OPRD1: variants seen among roughly 807,000 people sequenced by gnomAD.
The protein encoded by OPRD1 is opioid receptor delta 1, also known as delta-type opioid receptor.
A neutral mutation model predicts 17.5 loss-of-function variants in OPRD1; 19 were observed. That is an observed-to-expected ratio of 1.09 (90% CI 0.76 to 1.60). OPRD1 has a LOEUF of 1.60. OPRD1 is among the 40% of genes most tolerant of loss of function. OPRD1 has a pLI of 0.00. For missense variants in OPRD1, 483 were observed against 547.2 expected, an observed-to-expected ratio of 0.88 and a Z score of 1.17; for synonymous variants, 256 against 240.9, an observed-to-expected ratio of 1.06 and a Z score of -0.58.
chr1:28,837,460 T>A (rs2088862213), intron 1 of OPRD1, among the ~76,000 whole-genome samples: 1 of 151,818 alleles, frequency 6.6e-6, no homozygotes, highest in South Asian at 2.1e-4. Context: ...CCAGCCTGGT[T>A]AACATCATGA....
chr1:28,843,646 G>A (rs1263437142), intron 1 of OPRD1, among the ~76,000 whole-genome samples: 6 of 151,994 alleles, frequency 3.9e-5, no homozygotes, highest in African/African-American at 1.4e-4. Flanking sequence ...TTTGAGACAG[G>A]CTCTTGCTCT....
chr1:28,855,559 GA>G (rs2089049276), intron 1 of OPRD1, among the ~76,000 whole-genome samples: 1 of 152,156 alleles, frequency 6.6e-6, no homozygotes, highest in African/African-American at 2.4e-5. Context: ...GGAGGGGAGA[GA>G]GGGGGGCCGT....
intron 1 of OPRD1, among the ~76,000 whole-genome samples, chr1:28,824,313 C>CTTT (rs58074384): frequency 3.6e-5 from 4 of 109,784 alleles, no homozygotes; most frequent in Non-Finnish European, 7.2e-5. Context: ...TTTCTTTTTT[C>CTTT]TTTTTTTTTT....
chr1:28,812,626 G>A lies in OPRD1; in HGVS notation c.227+16G>A, dbSNP rs773837520. ...GCATCGTCCGGTGAGTCCGCTGCGG[G>A]CCGGCGCCGCAGGGCTGGAGCCCGG... is the stretch of plus-strand genomic sequence containing the variant. On this transcript the variant is annotated intron_variant, in intron 1 of 2. Transcript: ENST00000234961. 7.4e-6 allele frequency: 11 copies of A among 1,485,318 alleles called. No homozygotes were observed. The highest frequency in any genetic ancestry group is 9.8e-6 in the Non-Finnish European group (11 of 1,117,826). 92.0% of individuals were successfully genotyped at this position (1,485,318 alleles called of 1,614,324 possible). A position where few individuals can be genotyped will look rare whatever the true frequency, so the allele number is the denominator to read the frequency against.
chr1:28,844,329 C>T (rs925478566), intron 1 of OPRD1, among the ~76,000 whole-genome samples: 1 of 152,018 alleles, frequency 6.6e-6, no homozygotes. Flanking sequence ...CTCACTTTGT[C>T]GTTCAGGCTG....
At position 28,812,561 on chromosome 1, in the gene OPRD1, T is replaced by G; in HGVS notation, c.178T>G (p.Cys60Gly). Reference sequence around the variant, plus strand: ...CATCACCGCGCTCTACTCGGCCGTGTGCGCCGTGGGGCTGCTGGGCAACGT... The same window carrying G: ...CATCACCGCGCTCTACTCGGCCGTGGGCGCCGTGGGGCTGCTGGGCAACGT... ...IAITALYSAV[C>G]AVGLLGNVLV... Residue 60 changes from cysteine to glycine, a missense_variant, in exon 1 of 3, where the codon TGC (cysteine) becomes GGC (glycine). Cys to Gly is a radical substitution (Grantham distance 159, BLOSUM62 -3). Coordinates refer to ENST00000234961, the MANE Select transcript of OPRD1 (RefSeq NM_000911.4). 6.3e-7 allele frequency: 1 copy of G among 1,579,546 alleles called. No homozygotes were observed. Among genetic ancestry groups the G allele is most frequent in the Middle Eastern group, 1.7e-4 (1 of 5,990 alleles).
At chr1:28,845,141 G>A (rs893779252) in intron 1 of OPRD1, among the ~76,000 whole-genome samples, 11 of 151,530 alleles carry the variant, frequency 7.3e-5, no homozygotes, top group African/African-American at 1.7e-4. Flanking sequence ...TCAGGAGTTC[G>A]AGACCAGCCT....
chr1:28,862,636 G>A (rs2089133237), intron 2 of OPRD1, 106 bp from the exon 3 acceptor site: 1 of 1,016,696 alleles, frequency 9.8e-7, no homozygotes, highest in African/African-American at 1.6e-5. Context: ...GCTGGGAGGA[G>A]GTGGTGGGAC....
At chr1:28,860,702 A>T (rs2089106858) in intron 2 of OPRD1, among the ~76,000 whole-genome samples, 1 of 152,324 alleles carries the variant, frequency 6.6e-6, no homozygotes, top group East Asian at 1.9e-4. Context: ...TTAGGGTCAC[A>T]CAGCCAGGCA....
intron 1 of OPRD1, among the ~76,000 whole-genome samples, chr1:28,834,751 T>A (rs2124270961): frequency 6.6e-6 from 1 of 152,206 alleles, no homozygotes; most frequent in South Asian, 2.1e-4. Flanking sequence ...GGATCTATAA[T>A]AAAAATCACC....
chr1:28,833,981 G>A (rs374875724), intron 1 of OPRD1, among the ~76,000 whole-genome samples: 2 of 151,840 alleles, frequency 1.3e-5, no homozygotes, highest in African/African-American at 2.4e-5. Context: ...GTGTGATCTC[G>A]GCTCACTGCA....
intron 1 of OPRD1, among the ~76,000 whole-genome samples, chr1:28,818,361 C>T (rs1327799638): frequency 6.6e-6 from 1 of 152,174 alleles, no homozygotes; most frequent in Non-Finnish European, 1.5e-5. Context: ...AGCTATGTCC[C>T]ATGCCACCCC....
rs1253229660 is a variant in OPRD1 at position 28,870,043 on chromosome 1, A to G, written c.*6760A>G. ...TGATGAGAAGTTGAGAAGATTCAGA[A>G]AGAGGCTATGAGTGAAGGACCTTGT... On this transcript the variant is annotated 3_prime_UTR_variant, in exon 3 of 3. Coordinates refer to ENST00000234961, the MANE Select transcript of OPRD1 (RefSeq NM_000911.4). 6.6e-6 allele frequency: 1 copy of G among 152,196 alleles called. No homozygotes were observed. The highest frequency in any genetic ancestry group is 1.9e-4 in the East Asian group (1 of 5,194). The allele number at this position is 152,196 out of a possible 1,614,324, so 9.4% of individuals were successfully genotyped here.
intron 1 of OPRD1, among the ~76,000 whole-genome samples, chr1:28,817,773 C>T (rs1390153191): frequency 6.6e-6 from 1 of 151,320 alleles, no homozygotes; most frequent in African/African-American, 2.4e-5. Flanking sequence ...GGTGTGATCT[C>T]GGCTCACTGC....
intron 1 of OPRD1, among the ~76,000 whole-genome samples, chr1:28,850,713 G>A (rs572093551): frequency 3.3e-5 from 5 of 151,562 alleles, no homozygotes; most frequent in South Asian, 4.2e-4. Context: ...AGCCTAGGAG[G>A]TTGAGGCTGC....
chr1:28,825,253 G>A (rs1035151266), intron 1 of OPRD1, among the ~76,000 whole-genome samples: 2 of 152,168 alleles, frequency 1.3e-5, no homozygotes, highest in African/African-American at 2.4e-5. Flanking sequence ...TTGAGTCCAT[G>A]GCCAAGGCTG....
At chr1:28,818,753 C>G (rs148345885) in intron 1 of OPRD1, among the ~76,000 whole-genome samples, 73 of 152,198 alleles carry the variant, frequency 4.8e-4, no homozygotes, top group African/African-American at 1.7e-3. Flanking sequence ...TAGAGTAGCC[C>G]CAGGTAATTG....
chr1:28,845,058 T>C (rs924829232), intron 1 of OPRD1, among the ~76,000 whole-genome samples: 1 of 152,002 alleles, frequency 6.6e-6, no homozygotes, highest in African/African-American at 2.4e-5. Flanking sequence ...AAATGTGATA[T>C]AGTCAGCCGG....
chr1:28,849,234 T>G (rs2088978424), intron 1 of OPRD1, among the ~76,000 whole-genome samples: 1 of 151,192 alleles, frequency 6.6e-6, no homozygotes, highest in African/African-American at 2.4e-5. Flanking sequence ...GAGACCCTCA[T>G]CTCTATTTTA....
Sources: allele counts gnomAD v4.1 joint callset (sites outside exome capture counted in the v4.1 genomes callset), GRCh38; gene constraint gnomAD v4.1.1; transcripts MANE v1.5; gene names NCBI Gene and HGNC (gene_info 2026-07-23, HGNC 2026-07-21).